Variants in CACNA1A observed in about 807,000 individuals in gnomAD.
The protein encoded by CACNA1A is calcium voltage-gated channel subunit alpha1 A.
Under a neutral mutation model 262.4 loss-of-function variants are expected in CACNA1A, and 57 were observed. That is an observed-to-expected ratio of 0.22 (90% CI 0.18 to 0.27). The LOEUF is 0.27. Ranked by LOEUF, CACNA1A falls within the 10% of genes least tolerant of loss-of-function variation. The pLI, the probability that CACNA1A is intolerant of heterozygous loss-of-function variation, is 1.00. For missense variants in CACNA1A, 2,526 were observed against 3,562.8 expected (o/e 0.71, Z 7.41); for synonymous variants, 1,431 against 1,419.3 (o/e 1.01, Z -0.18).
intron 35 of CACNA1A, 103 bp downstream of exon 35, chr19:13,231,607 G>T: frequency 8.2e-7 from 1 of 1,220,198 alleles, no homozygotes; most frequent in Non-Finnish European, 1.2e-6. Context: ...AGCCTTGGAG[G>T]GAACAAGCCT....
intron 3 of CACNA1A, among the ~76,000 whole-genome samples, chr19:13,431,965 C>T (rs555075152): frequency 2.6e-5 from 4 of 151,882 alleles, no homozygotes; most frequent in Admixed American, 2.0e-4. Context: ...ATTAGCTGGG[C>T]GTGGTGGTGC....
chr19:13,410,093 T>A (rs2060083121), intron 3 of CACNA1A, among the ~76,000 whole-genome samples: 2 of 152,144 alleles, frequency 1.3e-5, no homozygotes, highest in Admixed American at 1.3e-4. Flanking sequence ...AAGTGAAACC[T>A]TCCACCTGTA....
At chr19:13,250,145 C>T (rs1427307238) in intron 30 of CACNA1A, among the ~76,000 whole-genome samples, 4 of 151,766 alleles carry the variant, frequency 2.6e-5, no homozygotes, top group African/African-American at 4.8e-5. Context: ...CTGCAACCTC[C>T]GCCTCACAGG....
At chr19:13,219,677 C>A (rs1001951833) in intron 38 of CACNA1A, among the ~76,000 whole-genome samples, 1 of 152,024 alleles carries the variant, frequency 6.6e-6, no homozygotes, top group Non-Finnish European at 1.5e-5. Context: ...ACCGGAGGCC[C>A]GGTGCGGTGG....
At chr19:13,258,396 C>G (rs1033231193) in intron 27 of CACNA1A, 1 of 152,166 alleles carries the variant, frequency 6.6e-6, no homozygotes, top group Non-Finnish European at 1.5e-5. Context: ...GCAGGTTGCA[C>G]ACTGCTCAAA....
At chr19:13,257,702 T>C (rs141819411) in intron 27 of CACNA1A, 151 bp from the exon 28 acceptor site, 1 of 503,130 alleles carries the variant, frequency 2.0e-6, no homozygotes, top group African/African-American at 1.9e-5. Context: ...TCGCTGTTTT[T>C]TGAAAGGCTG....
chr19:13,222,261 C>T (rs1435056437), intron 38 of CACNA1A, among the ~76,000 whole-genome samples: 2 of 151,934 alleles, frequency 1.3e-5, no homozygotes, highest in Non-Finnish European at 2.9e-5. Flanking sequence ...AGGCTGATCT[C>T]GAACTCCTGA....
intron 1 of CACNA1A, among the ~76,000 whole-genome samples, chr19:13,473,638 T>C (rs1343015908): frequency 6.6e-6 from 1 of 152,324 alleles, no homozygotes; most frequent in Non-Finnish European, 1.5e-5. Context: ...CCTTATTTTA[T>C]GCCTTCTTTT....
At chr19:13,221,218 T>TTTTCTTTTC (rs1555734399) in intron 38 of CACNA1A, among the ~76,000 whole-genome samples, 4 of 25,644 alleles carry the variant, frequency 1.6e-4, no homozygotes, top group Admixed American at 1.0e-3. Context: ...TTGTTTTTTC[T>TTTTCTTTTC]TTTCTTTCTT....
In CACNA1A at chr19:13,231,872, G is replaced by A. The variant is rs1404290974; in HGVS notation, c.5250-12C>T. ...CCCCGGTGGCACTCCTGAGGACAGG[G>A]AGAAATCAGAGACTCGGACACCCAG... On this transcript the variant is annotated splice_polypyrimidine_tract_variant and intron_variant, in intron 34 of 46. Transcript: ENST00000360228. The A allele has an allele frequency of 6.2e-7, 1 of 1,607,834 alleles. No homozygotes were observed. The highest frequency in any genetic ancestry group is 1.3e-5 in the African/African-American group (1 of 74,782).
chr19:13,413,318 G>C (rs796509116), intron 3 of CACNA1A, among the ~76,000 whole-genome samples: 1 of 151,300 alleles, frequency 6.6e-6, no homozygotes, highest in Non-Finnish European at 1.5e-5. Flanking sequence ...GTGTTAGCCA[G>C]GATGGTCTCA....
intron 3 of CACNA1A, among the ~76,000 whole-genome samples, chr19:13,433,984 C>A (rs547037858): frequency 1.3e-5 from 2 of 152,278 alleles, no homozygotes; most frequent in South Asian, 2.1e-4. Flanking sequence ...TCATTTAAAC[C>A]CCAATTCCAC....
chr19:13,422,736 G>A (rs955798504), intron 3 of CACNA1A, among the ~76,000 whole-genome samples: 4 of 152,160 alleles, frequency 2.6e-5, no homozygotes, highest in Admixed American at 2.6e-4. Flanking sequence ...GGTGCTCCAT[G>A]TCAATGTAAC....
chr19:13,388,470 G>A (rs1172222647), intron 3 of CACNA1A, among the ~76,000 whole-genome samples: 2 of 151,946 alleles, frequency 1.3e-5, no homozygotes, highest in South Asian at 2.1e-4. Context: ...TGGCCAGGCT[G>A]GTCTCGAACT....
At chr19:13,427,086 A>T (rs2060414584) in intron 3 of CACNA1A, among the ~76,000 whole-genome samples, 1 of 152,180 alleles carries the variant, frequency 6.6e-6, no homozygotes, top group Admixed American at 6.6e-5. Flanking sequence ...CCCACAGTTC[A>T]TAGTCAAGGG....
intron 10 of CACNA1A, among the ~76,000 whole-genome samples, chr19:13,318,506 T>C (rs1331559014): frequency 2.6e-5 from 4 of 151,946 alleles, no homozygotes; most frequent in Non-Finnish European, 5.9e-5. Context: ...GGAACCTGAT[T>C]TGGGTGTTCA....
rs1365962845 is a variant in CACNA1A, at chr19:13,505,920, G to A, written c.293+12C>T. ...AGGCGCAGCTGCTGCTGGGGTTCGG[G>A]CAAAAGGATATGGCCATTCGGTGAT... On this transcript the variant is annotated intron_variant, in intron 1 of 46. Transcript: ENST00000360228. 5 of 1,609,868 alleles carry A rather than the reference G, an allele frequency of 3.1e-6. No homozygotes were observed. Among genetic ancestry groups the A allele is most frequent in the African/African-American group, 1.3e-5 (1 of 74,834 alleles).
chr19:13,312,823 C>T (rs1398174399), intron 11 of CACNA1A, 42 bp from the exon 12 acceptor site: 1 of 1,054,766 alleles, frequency 9.5e-7, no homozygotes, highest in African/African-American at 1.7e-5. Context: ...GTTAGGCTTG[C>T]TGAGGGTAGG....
At chr19:13,277,154 A>G in intron 22 of CACNA1A, 26 bp from the exon 23 acceptor site, 1 of 1,564,950 alleles carries the variant, frequency 6.4e-7, no homozygotes, top group Non-Finnish European at 8.8e-7. Flanking sequence ...GCAAGAGAGC[A>G]GTGGATCACT....
Sources: allele counts gnomAD v4.1 joint callset (sites outside exome capture counted in the v4.1 genomes callset), GRCh38; gene constraint gnomAD v4.1.1; transcripts MANE v1.5; gene names NCBI Gene and HGNC (gene_info 2026-07-23, HGNC 2026-07-21).